CACNA2D2: variants seen among roughly 807,000 people sequenced by gnomAD.
CACNA2D2 encodes calcium voltage-gated channel auxiliary subunit alpha2delta 2.
In CACNA2D2, 48 loss-of-function variants were observed where a neutral mutation model predicts 166.4. The observed-to-expected ratio is 0.29, with a 90% CI of 0.23 to 0.37. The LOEUF is 0.37. CACNA2D2 is among the 10% of genes least tolerant of loss of function. The pLI is 1.00. For synonymous variants in CACNA2D2, 561 were observed against 573.7 expected (o/e 0.98, Z 0.32); for missense variants, 1,122 against 1,433.0 (o/e 0.78, Z 3.50).
chr3:50,473,487 CAAG>C (rs1299918551), intron 2 of CACNA2D2, among the ~76,000 whole-genome samples: 1 of 152,226 alleles, frequency 6.6e-6, no homozygotes, highest in East Asian at 1.9e-4. Context: ...AGAATCAGCT[CAAG>C]GAGGGCTGAG....
chr3:50,434,583 C>A (rs1342537838), intron 2 of CACNA2D2, among the ~76,000 whole-genome samples, 154 bp from the exon 3 acceptor site: 3 of 152,222 alleles, frequency 2.0e-5, no homozygotes, highest in Non-Finnish European at 4.4e-5. Context: ...GGAAGGCCAG[C>A]GCCCCCACAG....
chr3:50,375,551 A>G lies in CACNA2D2; in HGVS notation c.1907+93T>C. 1 of 1,358,386 alleles carries G rather than the reference A, an allele frequency of 7.4e-7. No homozygotes were observed. The highest frequency in any genetic ancestry group is 1.0e-6 in the Non-Finnish European group (1 of 961,300). 84.1% of individuals were successfully genotyped at this position (1,358,386 alleles called of 1,614,324 possible). ...CCCTGGCCACTGGTGCCCCACTGGG[A>G]TGGTGGTCACAGTGGGAGAGGGAGG... On this transcript the variant is annotated intron_variant, in intron 21 of 37. Coordinates refer to ENST00000424201, the MANE Select transcript of CACNA2D2 (RefSeq NM_006030.4). The surrounding 1 kb of genome is among the most constrained non-coding windows in gnomAD (Gnocchi z 4.0).
chr3:50,420,572 C>A (rs1162009711), intron 3 of CACNA2D2, among the ~76,000 whole-genome samples: 5 of 152,212 alleles, frequency 3.3e-5, no homozygotes, highest in South Asian at 2.1e-4. Flanking sequence ...TAGTCCACAG[C>A]CCCTGGCAGC....
Position 50,379,576 on chromosome 3 carries a change from T to G in CACNA2D2, c.1008A>C (p.Ala336=). ...YVNVASFNEK[A]QPVSCFTHLV... The stretch of plus-strand genomic sequence containing the variant: ...GGTGTGTGAAGCATGACACAGGCTG[T>G]GCCTTCTCGTTGAACTGCAGGAACA... Residue 336 remains alanine, a synonymous_variant, in exon 11 of 38, where the codon GCA becomes GCC. Coordinates refer to ENST00000424201, the MANE Select transcript of CACNA2D2 (RefSeq NM_006030.4). This position sits in a 1 kb window ranked among gnomAD's most constrained non-coding sequence, Gnocchi z 6.5. The G allele has an allele frequency of 6.2e-7, 1 of 1,613,936 alleles. No homozygotes were observed.
chr3:50,407,340 G>A (rs1306169004), intron 3 of CACNA2D2, among the ~76,000 whole-genome samples: 1 of 151,916 alleles, frequency 6.6e-6, no homozygotes, highest in Non-Finnish European at 1.5e-5. Context: ...ATGCTCAGAT[G>A]GAACCATGGT....
chr3:50,390,006 G>C (rs1457469688), intron 4 of CACNA2D2, among the ~76,000 whole-genome samples: 1 of 149,678 alleles, frequency 6.7e-6, no homozygotes, highest in Admixed American at 6.6e-5. Context: ...GGAGGGGGCT[G>C]TCAGGGTCAG....
At chr3:50,501,725 C>T (rs1203056065) in intron 1 of CACNA2D2, among the ~76,000 whole-genome samples, 4 of 152,150 alleles carry the variant, frequency 2.6e-5, no homozygotes, top group Non-Finnish European at 4.4e-5. Context: ...TGGCTTGGCT[C>T]GTGCTTGGCT....
At chr3:50,493,551 T>C (rs961821167) in intron 1 of CACNA2D2, among the ~76,000 whole-genome samples, 1 of 152,214 alleles carries the variant, frequency 6.6e-6, no homozygotes, top group African/African-American at 2.4e-5. Context: ...TGAGCACAGG[T>C]GACCACTTGG....
In CACNA2D2 at chr3:50,375,685, T is replaced by C; in HGVS notation, c.1866A>G (p.Thr622=). 1 of 1,613,206 alleles carries C rather than the reference T, an allele frequency of 6.2e-7. No homozygotes were observed. Among genetic ancestry groups the C allele is most frequent in the Non-Finnish European group, 8.5e-7 (1 of 1,179,866 alleles). Residue 622 remains threonine, a synonymous_variant, in exon 21 of 38, where the codon ACA becomes ACG. Coordinates refer to ENST00000424201, the MANE Select transcript of CACNA2D2 (RefSeq NM_006030.4). This position sits in a 1 kb window ranked among gnomAD's most constrained non-coding sequence, Gnocchi z 4.0. The stretch of plus-strand genomic sequence containing the variant: ...TTATAGGCACCCAGGTGTAGTTCCG[T>C]GTCACCTCATCTATGTACCTCTGGG... ...SLDERYIDEV[T]RNYTWVPIRS...
intron 3 of CACNA2D2, among the ~76,000 whole-genome samples, chr3:50,414,251 G>C (rs1234365177): frequency 6.6e-6 from 1 of 152,028 alleles, no homozygotes; most frequent in Non-Finnish European, 1.5e-5. Flanking sequence ...GAGAGCCACC[G>C]AGCCACATAC....
At chr3:50,499,862 G>T (rs1159121533) in intron 1 of CACNA2D2, among the ~76,000 whole-genome samples, 2 of 152,138 alleles carry the variant, frequency 1.3e-5, no homozygotes, top group Admixed American at 6.5e-5. Flanking sequence ...GATAAAGATG[G>T]AGTCCAGGGG....
chr3:50,408,363 A>C (rs1706824236), intron 3 of CACNA2D2, among the ~76,000 whole-genome samples: 1 of 152,222 alleles, frequency 6.6e-6, no homozygotes, highest in African/African-American at 2.4e-5. Context: ...TGGACGCCTG[A>C]GGCTCCACCT....
intron 2 of CACNA2D2, among the ~76,000 whole-genome samples, chr3:50,438,604 C>T (rs895278254): frequency 1.3e-5 from 2 of 152,230 alleles, no homozygotes; most frequent in Admixed American, 6.5e-5. Flanking sequence ...GTTCCCACAG[C>T]TCCTAACAGA....
Position 50,379,663 on chromosome 3 carries a change from G to A in CACNA2D2, c.993+62C>T. ...GCAGCTATTGCATGGGGCTGGTGAT[G>A]GTCACAGGAGCAGGGCAGATGGGGT... On this transcript the variant is annotated intron_variant, in intron 10 of 37. Transcript: ENST00000424201. This position sits in a 1 kb window ranked among gnomAD's most constrained non-coding sequence, Gnocchi z 6.5. The A allele has an allele frequency of 6.2e-7, 1 of 1,611,686 alleles. No individual in the cohort carries two copies. The highest frequency in any genetic ancestry group is 8.5e-7 in the Non-Finnish European group (1 of 1,178,398).
At chr3:50,408,828 C>T (rs1182720719) in intron 3 of CACNA2D2, among the ~76,000 whole-genome samples, 1 of 152,354 alleles carries the variant, frequency 6.6e-6, no homozygotes, top group East Asian at 1.9e-4. Context: ...TGCCTAGCAA[C>T]GGCCACAGAG....
chr3:50,382,023 A>ACAAAC (rs1559894140), intron 6 of CACNA2D2, among the ~76,000 whole-genome samples: 1 of 117,192 alleles, frequency 8.5e-6, no homozygotes, highest in Non-Finnish European at 1.7e-5. Flanking sequence ...CACACACACA[A>ACAAAC]ACAAGGCTCC....
chr3:50,496,212 T>C (rs766701963), intron 1 of CACNA2D2, among the ~76,000 whole-genome samples: 33 of 152,202 alleles, frequency 2.2e-4, no homozygotes, highest in Non-Finnish European at 3.1e-4. Context: ...TTGCACTACA[T>C]AGGCTCCCAA....
At chr3:50,453,715 G>A (rs925117658) in intron 2 of CACNA2D2, among the ~76,000 whole-genome samples, 1 of 152,204 alleles carries the variant, frequency 6.6e-6, no homozygotes, top group African/African-American at 2.4e-5. Flanking sequence ...GAAGAGAGAG[G>A]GGCAGGTGAA....
At chr3:50,487,549 C>G (rs1192367505) in intron 1 of CACNA2D2, among the ~76,000 whole-genome samples, 1 of 152,212 alleles carries the variant, frequency 6.6e-6, no homozygotes, top group Non-Finnish European at 1.5e-5. Flanking sequence ...TGCCTTGACA[C>G]GCCATGAACC....
Sources: allele counts gnomAD v4.1 joint callset (sites outside exome capture counted in the v4.1 genomes callset), GRCh38; gene constraint gnomAD v4.1.1; non-coding constraint Gnocchi (gnomAD v3.1); transcripts MANE v1.5; gene names NCBI Gene and HGNC (gene_info 2026-07-23, HGNC 2026-07-21).